The following STAG1 variants were observed in gnomAD, a reference collection of about 807,000 sequenced individuals.
STAG1 encodes cohesin subunit SA-1.
Under a neutral mutation model 170.9 loss-of-function variants are expected in STAG1, and 26 were observed. The ratio of observed to expected loss-of-function variants is 0.15; its 90% CI spans 0.11 to 0.21. The LOEUF is 0.21. Among genes scored for constraint, STAG1 ranks in the 10% least tolerant of loss-of-function variants. The pLI, the probability that STAG1 is intolerant of heterozygous loss-of-function variation, is 1.00. For synonymous variants in STAG1, 514 were observed against 497.7 expected, an observed-to-expected ratio of 1.03 and a Z score of -0.44; for missense variants, 964 against 1,509.5, an observed-to-expected ratio of 0.64 and a Z score of 5.99.
chr3:136,587,163 T>C (rs546666453), intron 4 of STAG1, among the ~76,000 whole-genome samples: 2 of 150,652 alleles, frequency 1.3e-5, no homozygotes, highest in South Asian at 4.2e-4. Context: ...ACTTTCTAAT[T>C]ATGTTAAAAA....
At chr3:136,390,965 G>C (rs2086992880) in intron 22 of STAG1, among the ~76,000 whole-genome samples, 1 of 152,130 alleles carries the variant, frequency 6.6e-6, no homozygotes, top group African/African-American at 2.4e-5. Context: ...CATGGGGCTT[G>C]GCCACTATCA....
chr3:136,655,962 A>G (rs74641205), intron 1 of STAG1, among the ~76,000 whole-genome samples: 10,547 of 152,184 alleles, frequency 0.069, 624 homozygotes, highest in Admixed American at 0.12. Flanking sequence ...TCTTGAAGAC[A>G]TATTTATACA....
At chr3:136,724,920 A>C (rs1933574153) in intron 1 of STAG1, among the ~76,000 whole-genome samples, 1 of 152,222 alleles carries the variant, frequency 6.6e-6, no homozygotes, top group South Asian at 2.1e-4. Flanking sequence ...TTCAAAAAAA[A>C]ACATTAAACC....
intron 9 of STAG1, among the ~76,000 whole-genome samples, chr3:136,478,943 A>C (rs1269195358): frequency 1.3e-5 from 2 of 152,128 alleles, no homozygotes; most frequent in Non-Finnish European, 2.9e-5. Context: ...TAGTGGTAAT[A>C]ATACCACCTA....
chr3:136,595,715 T>G (rs1056755706), intron 4 of STAG1, among the ~76,000 whole-genome samples: 2 of 125,654 alleles, frequency 1.6e-5, no homozygotes, highest in Non-Finnish European at 3.7e-5. Flanking sequence ...AATAAATAAA[T>G]AAATAAATAA....
At chr3:136,432,327 G>C (rs1022926874) in intron 16 of STAG1, among the ~76,000 whole-genome samples, 7 of 151,762 alleles carry the variant, frequency 4.6e-5, no homozygotes, top group Admixed American at 4.6e-4. Flanking sequence ...TTATTAAAAG[G>C]CCTCTGAAGT....
intron 4 of STAG1, among the ~76,000 whole-genome samples, chr3:136,589,015 T>A (rs998754124): frequency 2.0e-5 from 3 of 152,084 alleles, no homozygotes; most frequent in African/African-American, 7.2e-5. Flanking sequence ...CCCGCCTTCG[T>A]CTCCCAAAGT....
intron 29 of STAG1, among the ~76,000 whole-genome samples, chr3:136,347,395 CAAAAAAA>C (rs34533734): frequency 2.5e-5 from 2 of 78,726 alleles, no homozygotes; most frequent in African/African-American, 5.2e-5. Flanking sequence ...GATCCTGTCT[CAAAAAAA>C]AAAAAAAAAA....
chr3:136,604,185 A>T, intron 4 of STAG1, 124 bp downstream of exon 4: 1 of 825,534 alleles, frequency 1.2e-6, no homozygotes, highest in Non-Finnish European at 1.8e-6. Flanking sequence ...ACCTTTCAGG[A>T]TAAACTGAAA....
intron 5 of STAG1, among the ~76,000 whole-genome samples, chr3:136,558,501 T>C (rs571055884): frequency 6.6e-6 from 1 of 152,274 alleles, no homozygotes; most frequent in African/African-American, 2.4e-5. Flanking sequence ...AAAATTCTCA[T>C]GGTTAACTGT....
At chr3:136,531,295 C>G (rs577539735) in intron 6 of STAG1, among the ~76,000 whole-genome samples, 1 of 149,608 alleles carries the variant, frequency 6.7e-6, no homozygotes, top group Non-Finnish European at 1.5e-5. Flanking sequence ...AATAGGAACA[C>G]TTTTACACTG....
At chr3:136,461,292 A>T (rs772974431) in intron 13 of STAG1, among the ~76,000 whole-genome samples, 2 of 152,216 alleles carry the variant, frequency 1.3e-5, no homozygotes, top group Non-Finnish European at 2.9e-5. Flanking sequence ...AACTTTCACC[A>T]CTTTTATACA....
rs528964739 is a variant in STAG1, at chr3:136,661,768, T to C, written c.-83-30787A>G. Among the ~76,000 whole-genome samples, 5 of 152,326 alleles carry C rather than the reference T, an allele frequency of 3.3e-5. No individual in the cohort carries two copies. In the South Asian group the frequency reaches 6.2e-4, roughly 19 times the overall value. On this transcript the variant is annotated intron_variant, in intron 1 of 33. Coordinates refer to ENST00000383202, the MANE Select transcript of STAG1 (RefSeq NM_005862.3). Reference sequence around the variant, plus strand: ...CCAAGCACAATATTAATACTACTAATAGCTGTTGTCTCTTAAGCACTTGTA... The same window carrying C: ...CCAAGCACAATATTAATACTACTAACAGCTGTTGTCTCTTAAGCACTTGTA...
At chr3:136,393,248 T>A (rs1457777885) in intron 22 of STAG1, among the ~76,000 whole-genome samples, 3 of 151,984 alleles carry the variant, frequency 2.0e-5, no homozygotes, top group Non-Finnish European at 4.4e-5. Flanking sequence ...AGGGAAAAAA[T>A]TAAGGGGAAA....
intron 5 of STAG1, among the ~76,000 whole-genome samples, chr3:136,550,749 T>C (rs1156650770): frequency 1.3e-5 from 2 of 149,866 alleles, no homozygotes; most frequent in Non-Finnish European, 3.0e-5. Context: ...TGGGACATCA[T>C]CTTTAAAGTC....
At chr3:136,625,616 T>C (rs867237292) in intron 2 of STAG1, among the ~76,000 whole-genome samples, 4 of 152,204 alleles carry the variant, frequency 2.6e-5, no homozygotes, top group Middle Eastern at 3.2e-3. Context: ...CTCGAATTGA[T>C]AGAATGATAT....
At chr3:136,597,926 A>G (rs956418232) in intron 4 of STAG1, among the ~76,000 whole-genome samples, 1 of 152,108 alleles carries the variant, frequency 6.6e-6, no homozygotes, top group African/African-American at 2.4e-5. Flanking sequence ...GGGGGAGATA[A>G]CCTTTACAAG....
chr3:136,731,602 T>C (rs879213428), intron 1 of STAG1, among the ~76,000 whole-genome samples: 2 of 152,162 alleles, frequency 1.3e-5, no homozygotes, highest in Admixed American at 1.3e-4. Flanking sequence ...CCGAAGAAGG[T>C]ACTACCTAAG....
chr3:136,630,384 A>AG lies in STAG1; in HGVS notation c.29+485dup, dbSNP rs886304176. 4.7e-5 allele frequency among the ~76,000 whole-genome samples: 7 copies of AG among 149,856 alleles called. No homozygotes were observed. In the East Asian group the frequency reaches 9.8e-4, roughly 21 times the overall value. The stretch of plus-strand genomic sequence containing the variant: ...ATAAAAGAGCTGGAAGTGAGCAGGG[A>AG]GGGGGGGTAGAGAAGGGGTAGAGAA... On this transcript the variant is annotated intron_variant, in intron 2 of 33. Coordinates refer to ENST00000383202, the MANE Select transcript of STAG1 (RefSeq NM_005862.3).
Sources: allele counts gnomAD v4.1 joint callset (sites outside exome capture counted in the v4.1 genomes callset), GRCh38; gene constraint gnomAD v4.1.1; transcripts MANE v1.5; gene names NCBI Gene and HGNC (gene_info 2026-07-23, HGNC 2026-07-21).